PHACTR1: variants seen among roughly 807,000 people sequenced by gnomAD.
PHACTR1 encodes phosphatase and actin regulator 1.
PHACTR1 carries 16 observed loss-of-function variants against 69.2 expected under a neutral mutation model. The ratio of observed to expected loss-of-function variants is 0.23; its 90% confidence interval spans 0.16 to 0.35. PHACTR1 has a LOEUF of 0.35. Among genes scored for constraint, PHACTR1 ranks in the 10% least tolerant of loss-of-function variants. PHACTR1 has a pLI of 1.00. For synonymous variants in PHACTR1, 312 were observed against 284.5 expected (o/e 1.10, Z -0.97); for missense variants, 510 against 734.7 (o/e 0.69, Z 3.54).
chr6:12,801,723 A>G (rs1384502519), intron 4 of PHACTR1, among the ~76,000 whole-genome samples: 1 of 152,192 alleles, frequency 6.6e-6, no homozygotes, highest in Non-Finnish European at 1.5e-5. Flanking sequence ...AAGCTGAGAA[A>G]GCTTGACATA....
chr6:12,999,387 CAGG>C (rs1485859526), intron 4 of PHACTR1, among the ~76,000 whole-genome samples: 2 of 152,162 alleles, frequency 1.3e-5, no homozygotes, highest in African/African-American at 4.8e-5. Context: ...ATCACGAGAT[CAGG>C]AGTTCAAGAC....
At chr6:12,825,178 T>C (rs542334511) in intron 4 of PHACTR1, among the ~76,000 whole-genome samples, 28 of 152,216 alleles carry the variant, frequency 1.8e-4, no homozygotes, top group African/African-American at 6.7e-4. Context: ...CTGAGTGTGG[T>C]GGTGTGCACC....
At chr6:13,183,298 T>C (rs1156748214) in intron 7 of PHACTR1, among the ~76,000 whole-genome samples, 1 of 152,160 alleles carries the variant, frequency 6.6e-6, no homozygotes, top group African/African-American at 2.4e-5. Context: ...TGCCCCAAAA[T>C]AGGTCCCTCC....
intron 11 of PHACTR1, chr6:13,273,901 G>A (rs1365459632): frequency 8.3e-6 from 1 of 120,906 alleles, no homozygotes; most frequent in Non-Finnish European, 1.7e-5. Flanking sequence ...TGCCTCCCCC[G>A]GCCCCCCCGC....
intron 8 of PHACTR1, among the ~76,000 whole-genome samples, chr6:13,212,563 C>T (rs374542838): frequency 3.9e-5 from 6 of 152,178 alleles, no homozygotes; most frequent in Non-Finnish European, 7.3e-5. Context: ...CTTGTCTCCT[C>T]ATCTGCTATG....
chr6:13,164,241 G>C lies in PHACTR1; in HGVS notation c.496+3957G>C, dbSNP rs187921205. Among the ~76,000 whole-genome samples, 5 of 152,230 alleles carry C rather than the reference G, an allele frequency of 3.3e-5. No homozygotes were observed. The East Asian group carries it at 9.6e-4, about 29-fold the overall frequency. On this transcript the variant is annotated intron_variant, in intron 6 of 14. Transcript: ENST00000332995. The stretch of plus-strand genomic sequence containing the variant: ...CTTTTTCCTGTATCTGAGATTCGGG[G>C]GGTAAAGCAAATAGAATTTTATTGC...
At chr6:12,886,417 A>C in intron 4 of PHACTR1, among the ~76,000 whole-genome samples, 1 of 152,208 alleles carries the variant, frequency 6.6e-6, no homozygotes, top group East Asian at 1.9e-4. Flanking sequence ...ATTATTATAC[A>C]CATTCTCACT....
intron 4 of PHACTR1, among the ~76,000 whole-genome samples, chr6:12,944,590 C>G (rs1019789630): frequency 6.6e-6 from 1 of 152,064 alleles, no homozygotes; most frequent in African/African-American, 2.4e-5. Flanking sequence ...CTCTGTGCTT[C>G]AAAAGAACAT....
intron 4 of PHACTR1, among the ~76,000 whole-genome samples, chr6:12,961,074 AG>A (rs1276717785): frequency 2.0e-5 from 3 of 152,190 alleles, no homozygotes; most frequent in Non-Finnish European, 2.9e-5. Context: ...TTGCAGGGAA[AG>A]GGTTTCCTAA....
chr6:13,263,581 C>G (rs561175343), intron 10 of PHACTR1, among the ~76,000 whole-genome samples: 1 of 152,218 alleles, frequency 6.6e-6, no homozygotes, highest in South Asian at 2.1e-4. Flanking sequence ...TACTTAAGAT[C>G]CCTTGAAAGT....
intron 5 of PHACTR1, among the ~76,000 whole-genome samples, chr6:13,133,933 G>A (rs879030326): frequency 6.8e-6 from 1 of 147,946 alleles, no homozygotes; most frequent in Admixed American, 6.7e-5. Context: ...TGTGGGGAGC[G>A]CCTCTGCCCC....
In PHACTR1 at chr6:13,083,144, G is replaced by C. The variant is rs536595378; in HGVS notation, c.415+29615G>C. ...GTATAAGGTGTAAGGAAGGGATCCA[G>C]TTTCAGCTTTCTACATATGACTAGC... On this transcript the variant is annotated intron_variant, in intron 5 of 14. Coordinates refer to ENST00000332995, the MANE Select transcript of PHACTR1 (RefSeq NM_030948.6). 1.2e-4 allele frequency among the ~76,000 whole-genome samples: 18 copies of C among 152,334 alleles called. No homozygotes were observed. The South Asian group carries it at 2.7e-3, about 23-fold the overall frequency.
chr6:13,136,756 A>G (rs1487829938), intron 5 of PHACTR1, among the ~76,000 whole-genome samples: 1 of 152,198 alleles, frequency 6.6e-6, no homozygotes, highest in Non-Finnish European at 1.5e-5. Flanking sequence ...GTTGTGTCTC[A>G]GGGAATAGGG....
chr6:13,060,792 C>T (rs182279419), intron 5 of PHACTR1, among the ~76,000 whole-genome samples: 1 of 144,306 alleles, frequency 6.9e-6, no homozygotes, highest in South Asian at 2.3e-4. Context: ...TGACTTTTTT[C>T]ATTGGCTTTT....
In PHACTR1 at chr6:13,283,158, T is replaced by A. The variant is rs1384185290; in HGVS notation, c.1510-264T>A. On this transcript the variant is annotated intron_variant, in intron 12 of 14. Transcript: ENST00000332995. This position sits in a 1 kb window ranked among gnomAD's most constrained non-coding sequence, Gnocchi z 4.7. ...CATAATAAAAGATTTTTTTTAAGTT[T>A]AAAAAAAAAAAGAGCTTGGCCTAGA... is the stretch of plus-strand genomic sequence containing the variant. The A allele has an allele frequency of 6.9e-5, 17 of 246,566 alleles. No homozygotes were observed. Among genetic ancestry groups the A allele is most frequent in the African/African-American group, 1.9e-4 (8 of 42,092 alleles). 15.3% of individuals were successfully genotyped at this position (246,566 alleles called of 1,614,324 possible). A position where few individuals can be genotyped will look rare whatever the true frequency, so the allele number is the denominator to read the frequency against.
chr6:13,015,150 A>C (rs917950720), intron 4 of PHACTR1, among the ~76,000 whole-genome samples: 1 of 152,234 alleles, frequency 6.6e-6, no homozygotes, highest in Non-Finnish European at 1.5e-5. Context: ...TGGAAGAACA[A>C]ACATTACTTA....
chr6:13,061,721 AT>A (rs1279494968), intron 5 of PHACTR1, among the ~76,000 whole-genome samples: 2 of 152,208 alleles, frequency 1.3e-5, no homozygotes, highest in East Asian at 3.9e-4. Flanking sequence ...TTAATTTGCC[AT>A]TTTCAATCGA....
At chr6:13,057,897 A>G (rs920022869) in intron 5 of PHACTR1, among the ~76,000 whole-genome samples, 2 of 152,160 alleles carry the variant, frequency 1.3e-5, no homozygotes, top group African/African-American at 4.8e-5. Context: ...TGAGCTCCAG[A>G]TGGTGGTGAA....
intron 4 of PHACTR1, among the ~76,000 whole-genome samples, chr6:13,028,052 G>A (rs1801950749): frequency 6.6e-6 from 1 of 152,284 alleles, no homozygotes; most frequent in African/African-American, 2.4e-5. Flanking sequence ...AGAGCCCCTG[G>A]TGTGAAAATG....
Sources: gnomAD v4.1 joint callset for allele counts (sites outside exome capture counted in the v4.1 genomes callset) on GRCh38, gnomAD v4.1.1 for gene constraint, Gnocchi (gnomAD v3.1) non-coding constraint, MANE v1.5 for transcripts, NCBI Gene and HGNC (gene_info 2026-07-23, HGNC 2026-07-21) for gene names.